MINDY3: variants seen among roughly 807,000 people sequenced by gnomAD.
MINDY3 encodes the protein MINDY lysine 48 deubiquitinase 3.
A neutral mutation model predicts 69.2 loss-of-function variants in MINDY3; 38 were observed. The ratio of observed to expected loss-of-function variants is 0.55; its 90% CI spans 0.42 to 0.72. The LOEUF (loss-of-function observed/expected upper bound fraction) is 0.72, where lower values mean the gene tolerates loss of function less well. MINDY3 is among the 30% of genes least tolerant of loss of function. The pLI, the probability that MINDY3 is intolerant of heterozygous loss-of-function variation, is 0.00. For synonymous variants in MINDY3, 192 were observed against 180.1 expected (o/e 1.07, Z -0.53); for missense variants, 522 against 519.0 (o/e 1.01, Z -0.06).
intron 9 of MINDY3, chr10:15,817,564 T>C (rs1006173152): frequency 1.3e-5 from 2 of 151,960 alleles, no homozygotes; most frequent in African/African-American, 4.8e-5. Context: ...GAGAACACGA[T>C]TGTGTGTGTG....
intron 10 of MINDY3, among the ~76,000 whole-genome samples, chr10:15,816,275 AAAAAATG>A (rs1839357320): frequency 2.1e-5 from 3 of 141,324 alleles, no homozygotes; most frequent in Non-Finnish European, 4.4e-5. Flanking sequence ...AAAAAAAAAA[AAAAAATG>A]AAAAAGAAAA....
intron 2 of MINDY3, among the ~76,000 whole-genome samples, chr10:15,846,122 C>T (rs534809123): frequency 3.9e-5 from 6 of 152,162 alleles, no homozygotes; most frequent in African/African-American, 1.2e-4. Flanking sequence ...CACGCCTGGC[C>T]GTGATTCTTA....
intron 11 of MINDY3, among the ~76,000 whole-genome samples, chr10:15,795,279 T>C (rs1588526402): frequency 6.6e-6 from 1 of 152,092 alleles, no homozygotes; most frequent in Non-Finnish European, 1.5e-5. Context: ...CCTAAAGTTA[T>C]CTGCTAGTAA....
chr10:15,854,743 G>A (rs1834572041), intron 1 of MINDY3, among the ~76,000 whole-genome samples: 1 of 151,946 alleles, frequency 6.6e-6, no homozygotes. Flanking sequence ...TATTGGTGCT[G>A]GACACAATTT....
At position 15,860,341 on chromosome 10, in the gene MINDY3, G is replaced by T. The variant is rs1183506703; in HGVS notation, c.-42C>A. 2.8e-6 allele frequency: 4 copies of T among 1,454,014 alleles called. No homozygotes were observed. Among genetic ancestry groups the T allele is most frequent in the Non-Finnish European group, 2.8e-6 (3 of 1,054,074 alleles). 90.1% of individuals were successfully genotyped at this position (1,454,014 alleles called of 1,614,324 possible). A position where few individuals can be genotyped will look rare whatever the true frequency, so the allele number is the denominator to read the frequency against. On this transcript the variant is annotated 5_prime_UTR_variant, in exon 1 of 15. Coordinates refer to ENST00000277632, the MANE Select transcript of MINDY3 (RefSeq NM_024948.4). ...GCGGATCTTCGCTTTGCGGACTCCTGCCCCGGAACATGGGGAAGGGGCAAC... is the reference window on the plus strand; with the variant it reads ...GCGGATCTTCGCTTTGCGGACTCCTTCCCCGGAACATGGGGAAGGGGCAAC...
intron 1 of MINDY3, among the ~76,000 whole-genome samples, chr10:15,852,198 T>A (rs1834349462): frequency 6.6e-6 from 1 of 152,170 alleles, no homozygotes; most frequent in Non-Finnish European, 1.5e-5. Context: ...CGGTGTTGTA[T>A]CTGTGTTACT....
chr10:15,845,501 C>CA (rs1270632326), intron 2 of MINDY3, among the ~76,000 whole-genome samples: 2 of 151,702 alleles, frequency 1.3e-5, no homozygotes, highest in Non-Finnish European at 2.9e-5. Context: ...TTACGTGACT[C>CA]TTTTTTTTCC....
chr10:15,838,395 T>A, intron 4 of MINDY3, 116 bp from the exon 5 acceptor site: 1 of 775,502 alleles, frequency 1.3e-6, no homozygotes, highest in East Asian at 3.0e-5. Flanking sequence ...CCTTACTCCC[T>A]TAAAATTCTC....
Position 15,841,766 on chromosome 10 carries a change from T to G in MINDY3, c.236-167A>C, listed in dbSNP as rs1463696333. 2.6e-5 allele frequency among the ~76,000 whole-genome samples: 4 copies of G among 151,782 alleles called. No homozygotes were observed. The East Asian group carries it at 7.7e-4, about 29-fold the overall frequency. The stretch of plus-strand genomic sequence containing the variant: ...ATTATGTCTTAGAAAAACAATGTGT[T>G]TGTGGATTAAAATATCACCACTTTA... On this transcript the variant is annotated intron_variant, in intron 3 of 14. Transcript: ENST00000277632.
At chr10:15,840,469 C>T (rs1833391388) in intron 4 of MINDY3, among the ~76,000 whole-genome samples, 3 of 151,630 alleles carry the variant, frequency 2.0e-5, no homozygotes, top group Non-Finnish European at 4.4e-5. Flanking sequence ...AAAAAAGACA[C>T]TGACAACACA....
chr10:15,820,032 CCA>C (rs1363214732), intron 9 of MINDY3, among the ~76,000 whole-genome samples: 3 of 152,012 alleles, frequency 2.0e-5, no homozygotes, highest in Non-Finnish European at 4.4e-5. Context: ...GTCCCAGTTT[CCA>C]GAGTCTATAT....
chr10:15,825,742 T>C (rs764273748), intron 8 of MINDY3, among the ~76,000 whole-genome samples: 4 of 152,208 alleles, frequency 2.6e-5, no homozygotes, highest in Non-Finnish European at 4.4e-5. Flanking sequence ...ATGTATACAC[T>C]GTAGAATGGC....
At chr10:15,786,327 A>G (rs1300589708) in intron 13 of MINDY3, among the ~76,000 whole-genome samples, 1 of 152,098 alleles carries the variant, frequency 6.6e-6, no homozygotes, top group Non-Finnish European at 1.5e-5. Flanking sequence ...TCTCCGTATC[A>G]TTATGTGTAT....
At chr10:15,845,725 T>C (rs908804384) in intron 2 of MINDY3, among the ~76,000 whole-genome samples, 1 of 151,804 alleles carries the variant, frequency 6.6e-6, no homozygotes, top group African/African-American at 2.4e-5. Context: ...CAGCCTGGTT[T>C]TGAACTCCTG....
In MINDY3 at chr10:15,833,613, A is replaced by T. The variant is rs1230255858; in HGVS notation, c.730+17T>A. On this transcript the variant is annotated intron_variant, in intron 8 of 14. Transcript: ENST00000277632. ...ATTATTCATCAAAGAGAGCAACATA[A>T]CAAGGAATATACTTACTCATTCCTG... 3.4e-6 allele frequency: 5 copies of T among 1,470,000 alleles called. No individual in the cohort carries two copies. The highest frequency in any genetic ancestry group is 4.8e-6 in the Non-Finnish European group (5 of 1,051,520). 91.1% of individuals were successfully genotyped at this position (1,470,000 alleles called of 1,614,324 possible).
At chr10:15,858,131 C>A (rs368716588) in intron 1 of MINDY3, among the ~76,000 whole-genome samples, 3 of 152,150 alleles carry the variant, frequency 2.0e-5, no homozygotes, top group South Asian at 4.2e-4. Context: ...AGTAACAGGA[C>A]CCCTCTGATT....
chr10:15,784,467 T>C (rs1296008270), intron 13 of MINDY3, among the ~76,000 whole-genome samples: 11 of 152,134 alleles, frequency 7.2e-5, no homozygotes, highest in Admixed American at 7.2e-4. Context: ...TTACTGGGCC[T>C]CGTGAGGTGG....
Position 15,816,891 on chromosome 10 carries a change from T to G in MINDY3, c.826A>C (p.Lys276Gln), listed in dbSNP as rs1456686364. The G allele has an allele frequency of 1.2e-6, 2 of 1,613,282 alleles. No homozygotes were observed. The highest frequency in any genetic ancestry group is 2.2e-5 in the South Asian group (2 of 90,992). ...CTGCCAACAATCCAAATAGGGAATT[T>G]TGGAGATTTCAAGTAAGAACCAACC... ...CKVGSYLKSP[K>Q]FPIWIVGSET... is the part of the protein sequence containing the mutation. Residue 276 changes from lysine to glutamine, a missense_variant, in exon 10 of 15, where the codon AAA (lysine) becomes CAA (glutamine). By Grantham distance (53) the Lys-to-Gln change is moderately conservative. Transcript: ENST00000277632.
chr10:15,850,842 A>T (rs1462377288), intron 1 of MINDY3, among the ~76,000 whole-genome samples: 2 of 152,124 alleles, frequency 1.3e-5, no homozygotes, highest in Non-Finnish European at 2.9e-5. Flanking sequence ...GGCATCATGG[A>T]ACCTGCTGAC....
Sources: allele counts gnomAD v4.1 joint callset (sites outside exome capture counted in the v4.1 genomes callset), GRCh38; gene constraint gnomAD v4.1.1; transcripts MANE v1.5; gene names NCBI Gene and HGNC (gene_info 2026-07-23, HGNC 2026-07-21).